Variants in ADAMTS14 observed in about 807,000 individuals in gnomAD.
ADAMTS14 encodes the protein ADAM metallopeptidase with thrombospondin type 1 motif 14, also known as A disintegrin and metalloproteinase with thrombospondin motifs 14.
Under a neutral mutation model 128.6 loss-of-function variants are expected in ADAMTS14, and 100 were observed. The ratio of observed to expected loss-of-function variants is 0.78; its 90% CI spans 0.66 to 0.92. ADAMTS14 has a LOEUF of 0.92. ADAMTS14 is among the 40% of genes least tolerant of loss of function. The pLI, the probability that ADAMTS14 is intolerant of heterozygous loss-of-function variation, is 0.00. For synonymous variants in ADAMTS14, 665 were observed against 653.8 expected (o/e 1.02, Z -0.26); for missense variants, 1,562 against 1,658.6 (o/e 0.94, Z 1.01).
chr10:70,723,318 A>G (rs1392826791), intron 4 of ADAMTS14, among the ~76,000 whole-genome samples: 1 of 152,212 alleles, frequency 6.6e-6, no homozygotes, highest in African/African-American at 2.4e-5. Context: ...GTTTAAATGG[A>G]ATGTGGCACC....
At position 70,761,767 on chromosome 10, in the gene ADAMTS14, A is replaced by T. The variant is rs2132769631; in HGVS notation, c.*914A>T. ...CACGATTTCTCAGGCTGTCCCTTCA[A>T]TCATTGCCCTTCTCCGAAGATCGCT... is the stretch of plus-strand genomic sequence containing the variant. On this transcript the variant is annotated 3_prime_UTR_variant, in exon 22 of 22. Coordinates refer to ENST00000373207, the MANE Select transcript of ADAMTS14 (RefSeq NM_080722.4). 1 of 152,302 alleles carries T rather than the reference A, an allele frequency of 6.6e-6. No individual in the cohort carries two copies. The highest frequency in any genetic ancestry group is 6.5e-5 in the Admixed American group (1 of 15,296). 9.4% of individuals were successfully genotyped at this position (152,302 alleles called of 1,614,324 possible). A position where few individuals can be genotyped will look rare whatever the true frequency, so the allele number is the denominator to read the frequency against.
chr10:70,688,855 G>GA (rs1290581678), intron 2 of ADAMTS14, among the ~76,000 whole-genome samples: 2 of 7,634 alleles, frequency 2.6e-4, no homozygotes, highest in Non-Finnish European at 2.2e-4. Context: ...GAGGGGGAGG[G>GA]GGAGGGGGAG....
chr10:70,730,025 A>G, intron 5 of ADAMTS14, 77 bp from the exon 6 acceptor site: 2 of 1,483,422 alleles, frequency 1.3e-6, no homozygotes, highest in Non-Finnish European at 1.8e-6. Context: ...CCCATCTGTA[A>G]GTGGGAGGAG....
chr10:70,695,082 T>A (rs1449425978), intron 2 of ADAMTS14, among the ~76,000 whole-genome samples: 1 of 152,238 alleles, frequency 6.6e-6, no homozygotes, highest in Non-Finnish European at 1.5e-5. Flanking sequence ...TCTTTGTGGT[T>A]TGGATTTGCA....
intron 2 of ADAMTS14, among the ~76,000 whole-genome samples, chr10:70,696,821 G>A (rs67016110): frequency 0.24 from 37,062 of 152,172 alleles, 4,920 homozygotes; most frequent in Non-Finnish European, 0.29. Flanking sequence ...GCCAAGGAGC[G>A]TGGCTGGCAG....
At chr10:70,685,360 A>G (rs879514744) in intron 2 of ADAMTS14, among the ~76,000 whole-genome samples, 37 of 152,308 alleles carry the variant, frequency 2.4e-4, no homozygotes, top group South Asian at 1.0e-3. Flanking sequence ...ATGCTGCTTC[A>G]TCCTTAGCAG....
intron 2 of ADAMTS14, among the ~76,000 whole-genome samples, chr10:70,684,220 A>C (rs775723583): frequency 6.6e-6 from 1 of 152,162 alleles, no homozygotes; most frequent in Non-Finnish European, 1.5e-5. Context: ...AGTGCCAAGA[A>C]GATAGTGCTA....
intron 9 of ADAMTS14, among the ~76,000 whole-genome samples, chr10:70,736,467 C>A (rs919032420): frequency 6.6e-6 from 1 of 152,152 alleles, no homozygotes; most frequent in Admixed American, 6.5e-5. Flanking sequence ...CATGGCTAGG[C>A]TCTTTCTCAG....
In ADAMTS14 at chr10:70,738,937, G is replaced by A. The variant is rs199704809; in HGVS notation, c.1695G>A (p.Ser565=). 49 of 1,613,868 alleles carry A rather than the reference G, an allele frequency of 3.0e-5. No individual in the cohort carries two copies. Among genetic ancestry groups the A allele is most frequent in the Non-Finnish European group, 3.8e-5 (45 of 1,179,966 alleles). ...CCTGGACCAAGTTTGGGTCATGTTC[G>A]CGGTCATGTGGGGGCGGGGTGCGAT... is the stretch of plus-strand genomic sequence containing the variant. ...WSSWTKFGSC[S]RSCGGGVRSR... is the part of the protein sequence containing the mutation. The change falls in exon 11 of 22, where the codon TCG becomes TCA. Residue 565 remains serine (S), a synonymous_variant. Coordinates refer to ENST00000373207, the MANE Select transcript of ADAMTS14 (RefSeq NM_080722.4).
intron 2 of ADAMTS14, among the ~76,000 whole-genome samples, chr10:70,694,591 A>T (rs1589271036): frequency 6.6e-6 from 1 of 152,182 alleles, no homozygotes; most frequent in African/African-American, 2.4e-5. Flanking sequence ...GGATTTGCCT[A>T]TTCTATTTGT....
intron 4 of ADAMTS14, among the ~76,000 whole-genome samples, chr10:70,724,403 T>A (rs1841363721): frequency 6.6e-6 from 1 of 152,150 alleles, no homozygotes; most frequent in South Asian, 2.1e-4. Flanking sequence ...TGGGAAGCGA[T>A]CCGTGATCTC....
intron 5 of ADAMTS14, among the ~76,000 whole-genome samples, chr10:70,729,720 T>C (rs1325731191): frequency 6.6e-6 from 1 of 152,156 alleles, no homozygotes; most frequent in Non-Finnish European, 1.5e-5. Context: ...AGACTACCAG[T>C]CACCTATTAT....
chr10:70,726,071 CTTT>C (rs1841417376), intron 4 of ADAMTS14, among the ~76,000 whole-genome samples: 1 of 152,228 alleles, frequency 6.6e-6, no homozygotes, highest in Non-Finnish European at 1.5e-5. Context: ...TGGGCTGTCC[CTTT>C]CTGTTTACAT....
Position 70,760,372 on chromosome 10 carries a change from C to T in ADAMTS14, c.3191C>T (p.Thr1064Met), listed in dbSNP as rs147922366. Residue 1064 changes from threonine to methionine, a missense_variant, in exon 22 of 22, where the codon ACG becomes ATG. By Grantham distance (81) the Thr-to-Met change is moderately conservative. Transcript: ENST00000373207. ...INKISSTEPC[T>M]GDRSVFCQME... ...GCTGTGTGTGCAGCGGAGCCCTGCA[C>T]GGGAGACAGGTCTGTCTTCTGCCAG... 2.2e-5 allele frequency: 34 copies of T among 1,575,356 alleles called. No individual in the cohort carries two copies. The Admixed American group carries it at 2.6e-4, about 12-fold the overall frequency.
intron 3 of ADAMTS14, among the ~76,000 whole-genome samples, chr10:70,706,635 A>G (rs546585110): frequency 1.3e-4 from 20 of 151,874 alleles, no homozygotes; most frequent in Non-Finnish European, 2.5e-4. Context: ...TGAGGGAGAA[A>G]CCCACCTGAG....
At chr10:70,673,169 T>C (rs531059926) in intron 1 of ADAMTS14, among the ~76,000 whole-genome samples, 1 of 152,326 alleles carries the variant, frequency 6.6e-6, no homozygotes, top group South Asian at 2.1e-4. Flanking sequence ...CTGTGTTTCT[T>C]CTTTCCCCTC....
At chr10:70,683,075 A>T (rs915734594) in intron 2 of ADAMTS14, among the ~76,000 whole-genome samples, 1 of 152,130 alleles carries the variant, frequency 6.6e-6, no homozygotes, top group Non-Finnish European at 1.5e-5. Context: ...GCACACTGCC[A>T]TTTGCCCTCC....
rs187686763 is a variant in ADAMTS14, at chr10:70,689,050, G to C, written c.523-13262G>C. Among the ~76,000 whole-genome samples the C allele has an allele frequency of 2.5e-3, 269 of 107,872 alleles. 8 individuals are homozygous for C. Among genetic ancestry groups the C allele is most frequent in the African/African-American group, 6.8e-3 (249 of 36,594 alleles). 70.8% of individuals were successfully genotyped at this position (107,872 alleles called of 152,430 possible). On this transcript the variant is annotated intron_variant, in intron 2 of 21. Transcript: ENST00000373207. ...GCTGGCAGGGGCCCACACTCTATGAGTTAGCTCCTCCAGCCTGAAGAGGCC... is the reference window on the plus strand; with the variant it reads ...GCTGGCAGGGGCCCACACTCTATGACTTAGCTCCTCCAGCCTGAAGAGGCC...
chr10:70,701,735 G>C (rs1347781569), intron 2 of ADAMTS14, among the ~76,000 whole-genome samples: 1 of 152,154 alleles, frequency 6.6e-6, no homozygotes, highest in Non-Finnish European at 1.5e-5. Context: ...CATTTATCGT[G>C]AATGAGCATT....
Sources: gnomAD v4.1 joint callset for allele counts (sites outside exome capture counted in the v4.1 genomes callset) on GRCh38, gnomAD v4.1.1 for gene constraint, MANE v1.5 for transcripts, NCBI Gene and HGNC (gene_info 2026-07-23, HGNC 2026-07-21) for gene names.